The following CUBN variants were observed in gnomAD, a reference collection of about 807,000 sequenced individuals.
The protein encoded by CUBN is cubilin, also known as 460 kDa receptor.
In CUBN, 282 loss-of-function variants were observed where a neutral mutation model predicts 405.3. That is an observed-to-expected ratio of 0.70 (90% CI 0.63 to 0.77). The LOEUF (loss-of-function observed/expected upper bound fraction) is 0.77, where lower values mean the gene tolerates loss of function less well. CUBN is among the 30% of genes least tolerant of loss of function. The pLI is 0.00. For missense variants in CUBN, 4,514 were observed against 4,475.2 expected (o/e 1.01, Z -0.25); for synonymous variants, 1,684 against 1,617.0 (o/e 1.04, Z -0.99).
chr10:16,902,273 G>GTA (rs1032495050), intron 51 of CUBN, among the ~76,000 whole-genome samples: 2 of 129,770 alleles, frequency 1.5e-5, no homozygotes, highest in African/African-American at 2.9e-5. Flanking sequence ...ATATATATTT[G>GTA]TATATATATA....
At chr10:17,023,061 T>A (rs898565739) in intron 27 of CUBN, among the ~76,000 whole-genome samples, 1 of 152,194 alleles carries the variant, frequency 6.6e-6, no homozygotes, top group Non-Finnish European at 1.5e-5. Flanking sequence ...TCTGCAAGAT[T>A]AAGAAATGTG....
intron 33 of CUBN, among the ~76,000 whole-genome samples, chr10:16,950,873 G>A (rs1184853610): frequency 2.6e-5 from 4 of 152,070 alleles, no homozygotes; most frequent in African/African-American, 7.2e-5. Flanking sequence ...CCTTAAATTC[G>A]GATTCTTTGC....
At chr10:17,022,613 G>C (rs976412875) in intron 27 of CUBN, among the ~76,000 whole-genome samples, 3 of 152,186 alleles carry the variant, frequency 2.0e-5, no homozygotes, top group Non-Finnish European at 4.4e-5. Context: ...GGAGAAACCG[G>C]AGGGCGAGAG....
chr10:16,905,653 CAG>C (rs1019466086), intron 50 of CUBN, among the ~76,000 whole-genome samples: 4 of 152,166 alleles, frequency 2.6e-5, no homozygotes, highest in African/African-American at 9.7e-5. Flanking sequence ...GACTGTAACA[CAG>C]AGTCTAGTTG....
rs1181361342 is a variant in CUBN at position 16,925,174 on chromosome 10, A to C, written c.6646+67T>G. The C allele has an allele frequency of 5.0e-6, 7 of 1,396,188 alleles. No homozygotes were observed. The Admixed American group carries it at 8.8e-5, about 18-fold the overall frequency. The allele number at this position is 1,396,188 out of a possible 1,614,324, so 86.5% of individuals were successfully genotyped here. A position where few individuals can be genotyped will look rare whatever the true frequency, so the allele number is the denominator to read the frequency against. On this transcript the variant is annotated intron_variant, in intron 43 of 66. Transcript: ENST00000377833. Reference sequence around the variant, plus strand: ...TATTACTGTTGGTTCAGAAAAGAAAATTTTATATCAAAGAAGATCAAGCAA... The same window carrying C: ...TATTACTGTTGGTTCAGAAAAGAAACTTTTATATCAAAGAAGATCAAGCAA...
chr10:17,065,562 C>G lies in CUBN; in HGVS notation c.3085G>C (p.Asp1029His). The G allele has an allele frequency of 6.2e-7, 1 of 1,613,554 alleles. No individual in the cohort carries two copies. Among genetic ancestry groups the G allele is most frequent in the South Asian group, 1.1e-5 (1 of 91,056 alleles). The part of the protein sequence containing the change: ...SLMLVFVTDS[D>H]LAYEGFLINY... ...ATTAAGAAGCCTTCATAAGCGAGGT[C>G]GGAGTCAGTCACAAACACCAGCATC... The change falls in exon 22 of 67, where the codon GAC becomes CAC. Residue 1029 changes from aspartate (D) to histidine (H), a missense_variant. Asp to His is a moderately conservative substitution (Grantham distance 81). Around this residue, in one of 5 missense-constraint regions of CUBN, gnomAD observed 1,448 missense variants for 1,388.0 expected, o/e 1.04. Transcript: ENST00000377833.
At chr10:16,870,499 T>C (rs531875911) in intron 58 of CUBN, among the ~76,000 whole-genome samples, 2 of 152,322 alleles carry the variant, frequency 1.3e-5, no homozygotes, top group East Asian at 3.9e-4. Flanking sequence ...GGGGCACACT[T>C]TGAGGCTTGA....
At position 16,947,443 on chromosome 10, in the gene CUBN, G is replaced by A. The variant is rs140104049; in HGVS notation, c.5210-76C>T. On this transcript the variant is annotated intron_variant, in intron 35 of 66. Transcript: ENST00000377833. ...CACTATAAAATAAAGGAGAAAGAAC[G>A]CTAGAGCCATTATCAATGTAAAAGA... 2.1e-4 allele frequency: 293 copies of A among 1,414,500 alleles called. No individual in the cohort carries two copies. The African/African-American group carries it at 3.2e-3, about 15-fold the overall frequency. The allele number at this position is 1,414,500 out of a possible 1,614,324, so 87.6% of individuals were successfully genotyped here.
chr10:16,876,138 T>C (rs1840493149), intron 57 of CUBN, among the ~76,000 whole-genome samples: 1 of 152,212 alleles, frequency 6.6e-6, no homozygotes, highest in Admixed American at 6.5e-5. Flanking sequence ...ACTTTCTACC[T>C]TTAGCAATGG....
rs199754416 is a variant in CUBN at position 17,068,800 on chromosome 10, G to A, written c.2626-30C>T. On this transcript the variant is annotated intron_variant, in intron 19 of 66. Coordinates refer to ENST00000377833, the MANE Select transcript of CUBN (RefSeq NM_001081.4). ...AATTAGAGAAGATATGTTCAAATATGTTGTATATCAATTTTGAAAACTGCT... is the reference window on the plus strand; with the variant it reads ...AATTAGAGAAGATATGTTCAAATATATTGTATATCAATTTTGAAAACTGCT... 1.2e-5 allele frequency: 18 copies of A among 1,541,040 alleles called. No homozygotes were observed. The East Asian group carries it at 3.4e-4, about 29-fold the overall frequency.
At chr10:16,915,713 CAGAGT>C (rs1841864079) in intron 46 of CUBN, 103 bp downstream of exon 46, 1 of 895,438 alleles carries the variant, frequency 1.1e-6, no homozygotes. Context: ...CACTTCTCTG[CAGAGT>C]ATAGATGTGC....
chr10:16,908,965 C>T (rs921621511), intron 48 of CUBN, among the ~76,000 whole-genome samples: 5 of 149,378 alleles, frequency 3.3e-5, no homozygotes, highest in African/African-American at 1.2e-4. Context: ...TCACTGCAAG[C>T]TCCGCTTCCC....
chr10:17,096,195 G>A (rs1836372141), intron 14 of CUBN, among the ~76,000 whole-genome samples: 1 of 152,088 alleles, frequency 6.6e-6, no homozygotes, highest in Non-Finnish European at 1.5e-5. Flanking sequence ...GGAATGAATA[G>A]CTTCTAGAGA....
chr10:17,117,056 C>T (rs1261176652), intron 6 of CUBN, among the ~76,000 whole-genome samples: 2 of 152,090 alleles, frequency 1.3e-5, no homozygotes, highest in Non-Finnish European at 2.9e-5. Context: ...TGGAACGGCT[C>T]ACTAAGATAA....
chr10:17,041,280 G>A, intron 26 of CUBN, 60 bp from the exon 27 acceptor site: 2 of 1,379,082 alleles, frequency 1.5e-6, no homozygotes, highest in Non-Finnish European at 2.1e-6. Context: ...GCTCCAAGAT[G>A]AGATTTTCCT....
chr10:16,966,858 C>G (rs1243253792), intron 31 of CUBN, among the ~76,000 whole-genome samples: 1 of 152,146 alleles, frequency 6.6e-6, no homozygotes, highest in East Asian at 1.9e-4. Flanking sequence ...ATTTAGGGCA[C>G]AGGAGAGATA....
At chr10:16,991,558 T>A (rs1220049775) in intron 28 of CUBN, among the ~76,000 whole-genome samples, 1 of 152,086 alleles carries the variant, frequency 6.6e-6, no homozygotes, top group Non-Finnish European at 1.5e-5. Flanking sequence ...AGAAATTATC[T>A]TGTTTTCCAA....
At chr10:16,998,593 A>G (rs546392281) in intron 28 of CUBN, among the ~76,000 whole-genome samples, 1 of 152,366 alleles carries the variant, frequency 6.6e-6, no homozygotes, top group Non-Finnish European at 1.5e-5. Flanking sequence ...AAGCTAATGT[A>G]TCCTCATTCT....
At chr10:16,896,030 T>C (rs2131410907) in intron 54 of CUBN, among the ~76,000 whole-genome samples, 1 of 152,314 alleles carries the variant, frequency 6.6e-6, no homozygotes, top group South Asian at 2.1e-4. Context: ...GTTTTGGTAG[T>C]GGTTGTTCTG....
Sources: allele counts gnomAD v4.1 joint callset (sites outside exome capture counted in the v4.1 genomes callset), GRCh38; gene constraint gnomAD v4.1.1; regional missense constraint gnomAD v4.1.1; transcripts MANE v1.5; gene names NCBI Gene and HGNC (gene_info 2026-07-23, HGNC 2026-07-21).